Variants in NME7 observed in about 807,000 individuals in gnomAD.
NME7 encodes the protein nucleoside diphosphate kinase 7.
NME7 carries 41 observed loss-of-function variants against 49.1 expected under a neutral mutation model. The observed-to-expected ratio is 0.83, with a 90% CI of 0.65 to 1.08. NME7 has a LOEUF of 1.08. Among genes scored for constraint, NME7 ranks in the 50% least tolerant of loss-of-function variants. The pLI, the probability that NME7 is intolerant of heterozygous loss-of-function variation, is 0.00. For synonymous variants in NME7, 139 were observed against 150.6 expected, an observed-to-expected ratio of 0.92 and a Z score of 0.56; for missense variants, 423 against 463.4, an observed-to-expected ratio of 0.91 and a Z score of 0.80.
intron 1 of NME7, among the ~76,000 whole-genome samples, chr1:169,357,598 T>C (rs1266664751): frequency 6.6e-6 from 1 of 152,108 alleles, no homozygotes; most frequent in African/African-American, 2.4e-5. Context: ...TATTCAGATA[T>C]CTAAGATAGA....
At chr1:169,247,190 G>C (rs1193409398) in intron 7 of NME7, 6 of 406,408 alleles carry the variant, frequency 1.5e-5, no homozygotes, top group Non-Finnish European at 2.9e-5. Context: ...TGAGTAGATA[G>C]GCTGGAAACT....
intron 7 of NME7, among the ~76,000 whole-genome samples, chr1:169,243,063 G>A (rs988487336): frequency 2.6e-5 from 4 of 151,968 alleles, no homozygotes; most frequent in Non-Finnish European, 4.4e-5. Context: ...AAATTATATG[G>A]TAAGATAAAG....
intron 1 of NME7, among the ~76,000 whole-genome samples, chr1:169,338,929 T>C (rs1037729052): frequency 6.6e-6 from 1 of 152,184 alleles, no homozygotes; most frequent in African/African-American, 2.4e-5. Flanking sequence ...AGTAGAACAC[T>C]GGGTTGTCGT....
chr1:169,269,916 AATTT>A lies in NME7; in HGVS notation c.754+17383_754+17386del, dbSNP rs1181214311. 2.2e-5 allele frequency among the ~76,000 whole-genome samples: 3 copies of A among 133,614 alleles called. 1 individual carries two copies. Among genetic ancestry groups the A allele is most frequent in the Non-Finnish European group, 5.3e-5 (3 of 56,930 alleles). 87.7% of individuals were successfully genotyped at this position (133,614 alleles called of 152,430 possible). On this transcript the variant is annotated intron_variant, in intron 7 of 11. Coordinates refer to ENST00000367811, the MANE Select transcript of NME7 (RefSeq NM_013330.5). ...CATCAAGGTATAGAATACAATTTCCAATTTATTTATTTTTCTCTATCTCTCTCTC... is the reference window on the plus strand; with the variant it reads ...CATCAAGGTATAGAATACAATTTCCAATTTATTTTTCTCTATCTCTCTCTC...
intron 11 of NME7, among the ~76,000 whole-genome samples, chr1:169,133,081 A>G (rs141201490): frequency 1.3e-5 from 2 of 150,266 alleles, no homozygotes; most frequent in Admixed American, 6.6e-5. Flanking sequence ...TTCACTAGAC[A>G]TATGTGTTAA....
intron 10 of NME7, among the ~76,000 whole-genome samples, chr1:169,206,420 G>A (rs1208374): frequency 0.018 from 2,800 of 152,208 alleles, 85 homozygotes; most frequent in African/African-American, 0.064. Flanking sequence ...CCTGGAACAC[G>A]GAGGGTAGGG....
chr1:169,275,551 G>T (rs1297568888), intron 7 of NME7, among the ~76,000 whole-genome samples: 1 of 125,804 alleles, frequency 7.9e-6, no homozygotes, highest in Non-Finnish European at 1.8e-5. Context: ...CTGAGACTTT[G>T]CTGAAGTTGC....
intron 10 of NME7, among the ~76,000 whole-genome samples, chr1:169,216,483 C>T (rs1660977183): frequency 6.6e-6 from 1 of 152,226 alleles, no homozygotes; most frequent in South Asian, 2.1e-4. Flanking sequence ...ACTCCACACC[C>T]CTTCTTATAC....
intron 7 of NME7, among the ~76,000 whole-genome samples, chr1:169,270,649 A>G (rs1649461206): frequency 7.5e-6 from 1 of 134,096 alleles, no homozygotes; most frequent in African/African-American, 2.5e-5. Flanking sequence ...TAGTAGTAAT[A>G]GAGTAGTAAT....
intron 10 of NME7, among the ~76,000 whole-genome samples, chr1:169,215,169 C>T (rs1339257654): frequency 2.0e-5 from 3 of 151,876 alleles, no homozygotes; most frequent in Non-Finnish European, 4.4e-5. Context: ...AGTCAGGTTG[C>T]CTCTCTCCCT....
intron 11 of NME7, among the ~76,000 whole-genome samples, chr1:169,135,221 C>G (rs1330612869): frequency 6.6e-6 from 1 of 151,876 alleles, no homozygotes; most frequent in African/African-American, 2.4e-5. Context: ...TACCCAGAAC[C>G]TATCTACTTT....
chr1:169,304,824 C>T (rs536460379), intron 4 of NME7, among the ~76,000 whole-genome samples: 6 of 152,056 alleles, frequency 3.9e-5, no homozygotes, highest in Non-Finnish European at 7.4e-5. Flanking sequence ...TGTAGAACAA[C>T]ATTCTAGAGG....
At chr1:169,159,740 G>A (rs767875373) in intron 11 of NME7, among the ~76,000 whole-genome samples, 1 of 152,146 alleles carries the variant, frequency 6.6e-6, no homozygotes, top group African/African-American at 2.4e-5. Flanking sequence ...GGTAGGAGTA[G>A]TTCTATCCTT....
At chr1:169,257,625 C>G (rs1649009563) in intron 7 of NME7, among the ~76,000 whole-genome samples, 1 of 133,924 alleles carries the variant, frequency 7.5e-6, no homozygotes, top group African/African-American at 2.5e-5. Context: ...TTTATAGGCC[C>G]CATTAGTTTT....
intron 10 of NME7, among the ~76,000 whole-genome samples, chr1:169,188,635 T>C (rs964024031): frequency 1.3e-5 from 2 of 152,226 alleles, no homozygotes; most frequent in Admixed American, 6.5e-5. Flanking sequence ...TCTGAACCTA[T>C]TGTCATTCGG....
intron 10 of NME7, among the ~76,000 whole-genome samples, chr1:169,228,887 T>G (rs1335178851): frequency 6.6e-6 from 1 of 152,182 alleles, no homozygotes. Flanking sequence ...CAGAGTCACC[T>G]TGTAATCATT....
chr1:169,234,740 A>G (rs1647788339), intron 9 of NME7, among the ~76,000 whole-genome samples: 1 of 152,150 alleles, frequency 6.6e-6, no homozygotes, highest in South Asian at 2.1e-4. Context: ...AAAAAAGAAG[A>G]GAACTGAATT....
intron 10 of NME7, among the ~76,000 whole-genome samples, chr1:169,196,802 C>A (rs1004579704): frequency 6.6e-6 from 1 of 152,088 alleles, no homozygotes; most frequent in Admixed American, 6.6e-5. Context: ...TCTCTACTGA[C>A]GACTGAGCAT....
At chr1:169,190,650 A>G (rs991926846) in intron 10 of NME7, 1 of 443,798 alleles carries the variant, frequency 2.3e-6, no homozygotes, top group African/African-American at 2.0e-5. Context: ...CACGGAACAG[A>G]GATGTCTTCT....
Sources: gnomAD v4.1 joint callset for allele counts (sites outside exome capture counted in the v4.1 genomes callset) on GRCh38, gnomAD v4.1.1 for gene constraint, MANE v1.5 for transcripts, NCBI Gene and HGNC (gene_info 2026-07-23, HGNC 2026-07-21) for gene names.